Variants in CHP1 observed in about 807,000 individuals in gnomAD.
The protein encoded by CHP1 is calcineurin B homologous protein 1.
In CHP1, 11 loss-of-function variants were observed where a neutral mutation model predicts 27.4. The ratio of observed to expected loss-of-function variants is 0.40; its 90% CI spans 0.25 to 0.67. CHP1 has a LOEUF of 0.67. Ranked by LOEUF, CHP1 falls within the 30% of genes least tolerant of loss-of-function variation. CHP1 has a pLI of 0.38. For missense variants in CHP1, 169 were observed against 251.3 expected (o/e 0.67, Z 2.22); for synonymous variants, 89 against 87.4 (o/e 1.02, Z -0.10).
chr15:41,243,075 C>T (rs973630550), intron 1 of CHP1, among the ~76,000 whole-genome samples: 5 of 152,148 alleles, frequency 3.3e-5, no homozygotes, highest in African/African-American at 1.2e-4. Flanking sequence ...CATGGTGGCT[C>T]ACACCTATAA....
intron 1 of CHP1, among the ~76,000 whole-genome samples, chr15:41,238,450 A>G (rs1567002613): frequency 6.6e-6 from 1 of 152,128 alleles, no homozygotes; most frequent in Non-Finnish European, 1.5e-5. Context: ...GGCATGAGCC[A>G]CTGCCCTCAG....
At chr15:41,260,089 AG>A (rs2047424741) in intron 3 of CHP1, among the ~76,000 whole-genome samples, 1 of 152,092 alleles carries the variant, frequency 6.6e-6, no homozygotes, top group African/African-American at 2.4e-5. Context: ...TGCCTTTAGA[AG>A]GGCTATGAAC....
At chr15:41,267,929 T>TTA (rs367654548) in intron 4 of CHP1, among the ~76,000 whole-genome samples, 1 of 117,270 alleles carries the variant, frequency 8.5e-6, no homozygotes, top group Non-Finnish European at 1.8e-5. Flanking sequence ...CCCTATCTCT[T>TTA]AAAAAAAAAA....
At chr15:41,257,893 T>C (rs142966846) in intron 3 of CHP1, among the ~76,000 whole-genome samples, 124 of 152,308 alleles carry the variant, frequency 8.1e-4, no homozygotes, top group African/African-American at 2.9e-3. Context: ...TGAAATCCAG[T>C]GTGTAATTTA....
In CHP1 at chr15:41,281,523, C is replaced by T. The variant is rs2047545921; in HGVS notation, c.*2134C>T. On this transcript the variant is annotated 3_prime_UTR_variant, in exon 7 of 7. Transcript: ENST00000334660. Reference sequence around the variant, plus strand: ...CATTGCTTGCTTGCTTGTTTCCTTGCTTTGGAAAACTATTGAAGATTGCTA... The same window carrying T: ...CATTGCTTGCTTGCTTGTTTCCTTGTTTTGGAAAACTATTGAAGATTGCTA... The T allele has an allele frequency of 6.6e-6, 1 of 152,612 alleles. No individual in the cohort carries two copies. Among genetic ancestry groups the T allele is most frequent in the South Asian group, 2.1e-4 (1 of 4,838 alleles). 9.5% of individuals were successfully genotyped at this position (152,612 alleles called of 1,614,324 possible). A position where few individuals can be genotyped will look rare whatever the true frequency, so the allele number is the denominator to read the frequency against.
chr15:41,247,673 A>G (rs1309536319), intron 2 of CHP1, among the ~76,000 whole-genome samples: 1 of 150,354 alleles, frequency 6.7e-6, no homozygotes, highest in Non-Finnish European at 1.5e-5. Context: ...CTCCATCTTA[A>G]AATAAATAAA....
At chr15:41,258,577 T>C (rs1189333107) in intron 3 of CHP1, among the ~76,000 whole-genome samples, 1 of 152,190 alleles carries the variant, frequency 6.6e-6, no homozygotes. Context: ...TCACCACATA[T>C]GCTTTGTCAA....
At chr15:41,274,550 T>C (rs1201596743) in intron 5 of CHP1, among the ~76,000 whole-genome samples, 2 of 152,110 alleles carry the variant, frequency 1.3e-5, no homozygotes, top group East Asian at 3.9e-4. Flanking sequence ...TACATGCATG[T>C]GTCACTGCAC....
intron 2 of CHP1, among the ~76,000 whole-genome samples, chr15:41,245,100 C>T (rs2047327427): frequency 6.6e-6 from 1 of 152,190 alleles, no homozygotes; most frequent in Non-Finnish European, 1.5e-5. Flanking sequence ...CCCCTGGCAA[C>T]CATAAATCTA....
At chr15:41,253,017 C>T (rs1178785668) in intron 2 of CHP1, among the ~76,000 whole-genome samples, 2 of 128,750 alleles carry the variant, frequency 1.6e-5, no homozygotes. Context: ...TGGCTCACTG[C>T]AACCTCCACC....
chr15:41,261,102 CCCTT>C (rs1355033428), intron 3 of CHP1, among the ~76,000 whole-genome samples: 9 of 150,998 alleles, frequency 6.0e-5, no homozygotes, highest in African/African-American at 2.2e-4. Context: ...TTTCCTCCCT[CCCTT>C]CCTTCCTTTT....
chr15:41,268,049 C>G (rs1469156820), intron 4 of CHP1, among the ~76,000 whole-genome samples: 4 of 151,930 alleles, frequency 2.6e-5, no homozygotes, highest in Non-Finnish European at 5.9e-5. Flanking sequence ...ATTTTAGGCC[C>G]AGGATACAGT....
rs1595467506 is a variant in CHP1, at chr15:41,231,304, C to T, written c.-79C>T. The T allele has an allele frequency of 1.5e-6, 2 of 1,363,162 alleles. No homozygotes were observed. Among genetic ancestry groups the T allele is most frequent in the African/African-American group, 2.9e-5 (2 of 69,548 alleles). 84.4% of individuals were successfully genotyped at this position (1,363,162 alleles called of 1,614,324 possible). ...TGCCCTCTCCCTTCTTGACCCCTAG[C>T]CCTTCCTTCCCTCCCTCCTTCCCTC... On this transcript the variant is annotated 5_prime_UTR_variant, in exon 1 of 7. Coordinates refer to ENST00000334660, the MANE Select transcript of CHP1 (RefSeq NM_007236.5).
rs371757874 is a variant in CHP1 at position 41,262,855 on chromosome 15, A to G, written c.321A>G (p.Pro107=). The G allele has an allele frequency of 6.2e-7, 1 of 1,614,112 alleles. No individual in the cohort carries two copies. Residue 107 remains proline (P), a synonymous_variant, in exon 4 of 7, where the codon CCA becomes CCG. Coordinates refer to ENST00000334660, the MANE Select transcript of CHP1 (RefSeq NM_007236.5). Reference sequence around the variant, plus strand: ...GCAAAGATGTGAATGGACCCGAACCACTCAACAGCCGAAGCAACAAACTGC... The same window carrying G: ...GCAAAGATGTGAATGGACCCGAACCGCTCAACAGCCGAAGCAACAAACTGC... ...EKSKDVNGPE[P]LNSRSNKLHF...
In CHP1 at chr15:41,280,500, T is replaced by G. The variant is rs780158774; in HGVS notation, c.*1111T>G. The G allele has an allele frequency of 1.4e-5, 2 of 142,154 alleles. No individual in the cohort carries two copies. The highest frequency in any genetic ancestry group is 3.1e-5 in the Non-Finnish European group (2 of 65,402). The allele number at this position is 142,154 out of a possible 1,614,324, so 8.8% of individuals were successfully genotyped here. On this transcript the variant is annotated 3_prime_UTR_variant, in exon 7 of 7. Transcript: ENST00000334660. ...GTTACGGAAGTGCCTAATATCCCAGTCCAAATTTTTTTTTTTTTTTTTTTT... is the reference window on the plus strand; with the variant it reads ...GTTACGGAAGTGCCTAATATCCCAGGCCAAATTTTTTTTTTTTTTTTTTTT...
chr15:41,245,171 C>T (rs2047327980), intron 2 of CHP1, among the ~76,000 whole-genome samples: 1 of 152,168 alleles, frequency 6.6e-6, no homozygotes, highest in African/African-American at 2.4e-5. Flanking sequence ...TCATAACTGA[C>T]TTCTTCTGGC....
chr15:41,245,218 T>G (rs1352761683), intron 2 of CHP1, among the ~76,000 whole-genome samples: 1 of 152,170 alleles, frequency 6.6e-6, no homozygotes, highest in Non-Finnish European at 1.5e-5. Context: ...TCTAGCACTT[T>G]GGGAGGCCAA....
chr15:41,237,870 C>T (rs534091285), intron 1 of CHP1, among the ~76,000 whole-genome samples: 3 of 152,058 alleles, frequency 2.0e-5, no homozygotes, highest in South Asian at 4.2e-4. Flanking sequence ...CCACCATGCC[C>T]GGCTAATTTT....
chr15:41,256,502 C>T (rs552402344), intron 2 of CHP1, among the ~76,000 whole-genome samples: 15 of 152,262 alleles, frequency 9.9e-5, no homozygotes, highest in African/African-American at 3.6e-4. Context: ...TATGGAGACC[C>T]CTCTAAGTGT....
Sources: gnomAD v4.1 joint callset for allele counts (sites outside exome capture counted in the v4.1 genomes callset) on GRCh38, gnomAD v4.1.1 for gene constraint, MANE v1.5 for transcripts, NCBI Gene and HGNC (gene_info 2026-07-23, HGNC 2026-07-21) for gene names.